MACROD2: variants seen among roughly 807,000 people sequenced by gnomAD.
MACROD2 encodes mono-ADP ribosylhydrolase 2.
In MACROD2, 36 loss-of-function variants were observed where a neutral mutation model predicts 70.4. The observed-to-expected ratio is 0.51, with a 90% CI of 0.39 to 0.68. The LOEUF is 0.68. MACROD2 is among the 30% of genes least tolerant of loss of function. The pLI, the probability that MACROD2 is intolerant of heterozygous loss-of-function variation, is 0.00. For synonymous variants in MACROD2, 172 were observed against 178.8 expected (o/e 0.96, Z 0.30); for missense variants, 496 against 538.4 (o/e 0.92, Z 0.78).
At chr20:15,541,644 T>C (rs1445786067) in intron 8 of MACROD2, among the ~76,000 whole-genome samples, 1 of 152,204 alleles carries the variant, frequency 6.6e-6, no homozygotes, top group Non-Finnish European at 1.5e-5. Context: ...AATTTCTTAA[T>C]ATATTAATTT....
chr20:15,153,028 T>A (rs879377868), intron 5 of MACROD2, among the ~76,000 whole-genome samples: 1 of 152,014 alleles, frequency 6.6e-6, no homozygotes, highest in Non-Finnish European at 1.5e-5. Context: ...GTAAGATGTT[T>A]CTTGGGCTGG....
At chr20:15,743,149 CTGAGT>C (rs2051129901) in intron 8 of MACROD2, among the ~76,000 whole-genome samples, 1 of 152,182 alleles carries the variant, frequency 6.6e-6, no homozygotes, top group Non-Finnish European at 1.5e-5. Context: ...GCTGGGCTGG[CTGAGT>C]TATTAGGCCT....
Position 14,270,717 on chromosome 20 carries a change from G to C in MACROD2, c.271+184989G>C, listed in dbSNP as rs1310383924. On this transcript the variant is annotated intron_variant, in intron 3 of 17. Transcript: ENST00000684519. ...CATCCTTTCAAGACACTTCAGGTGA[G>C]AGAGCCAAGATGGCCGAATAGGAAC... Among the ~76,000 whole-genome samples, 3 of 152,064 alleles carry C rather than the reference G, an allele frequency of 2.0e-5. No individual in the cohort carries two copies. In the East Asian group the frequency reaches 5.8e-4, roughly 29 times the overall value.
chr20:14,272,419 A>G (rs550246234), intron 3 of MACROD2, among the ~76,000 whole-genome samples: 5 of 151,954 alleles, frequency 3.3e-5, no homozygotes, highest in African/African-American at 1.2e-4. Flanking sequence ...AGGAGAAATA[A>G]AATACTTTAC....
intron 3 of MACROD2, among the ~76,000 whole-genome samples, chr20:14,339,939 C>T (rs1475235794): frequency 3.3e-5 from 5 of 152,096 alleles, no homozygotes; most frequent in Admixed American, 2.0e-4. Flanking sequence ...TTTCACTTCC[C>T]GCTCTTATCA....
intron 2 of MACROD2, among the ~76,000 whole-genome samples, chr20:14,021,179 C>T (rs1420253678): frequency 5.3e-5 from 8 of 152,060 alleles, no homozygotes; most frequent in Middle Eastern, 3.4e-3. Context: ...TTAGTAGAGA[C>T]GCGGTTTCAC....
intron 5 of MACROD2, among the ~76,000 whole-genome samples, chr20:15,010,410 T>C (rs748447562): frequency 7.9e-5 from 12 of 152,342 alleles, no homozygotes; most frequent in Middle Eastern, 3.4e-3. Flanking sequence ...TATTCTTTAC[T>C]TGAAGAAGGA....
chr20:15,149,795 T>A (rs2145858801), intron 5 of MACROD2, among the ~76,000 whole-genome samples: 1 of 152,174 alleles, frequency 6.6e-6, no homozygotes, highest in East Asian at 1.9e-4. Flanking sequence ...GTAAGAATTC[T>A]GACTGCACAG....
chr20:15,904,990 A>G (rs2065125661), intron 10 of MACROD2, among the ~76,000 whole-genome samples: 1 of 152,138 alleles, frequency 6.6e-6, no homozygotes, highest in Non-Finnish European at 1.5e-5. Flanking sequence ...TGAACTAGGA[A>G]TCAGATCCCT....
chr20:15,230,315 T>C (rs2076949055), intron 6 of MACROD2, among the ~76,000 whole-genome samples: 1 of 152,200 alleles, frequency 6.6e-6, no homozygotes, highest in Non-Finnish European at 1.5e-5. Flanking sequence ...TTTTTCCTCT[T>C]TATTTTGCCA....
Position 15,325,970 on chromosome 20 carries a change from C to T in MACROD2, c.540+95909C>T, listed in dbSNP as rs140063842. Among the ~76,000 whole-genome samples, 231 of 152,228 alleles carry T rather than the reference C, an allele frequency of 1.5e-3. 1 individual carries two copies. The highest frequency in any genetic ancestry group is 5.2e-3 in the African/African-American group (218 of 41,538). On this transcript the variant is annotated intron_variant, in intron 6 of 17. Transcript: ENST00000684519. The stretch of plus-strand genomic sequence containing the variant: ...TATATCCATCACCTTCAGGTCCAAA[C>T]TGTTTGATTTGCTGCTTCATCTTGG...
chr20:14,432,894 T>C (rs1409205320), intron 3 of MACROD2, among the ~76,000 whole-genome samples: 7 of 152,130 alleles, frequency 4.6e-5, no homozygotes, highest in Non-Finnish European at 8.8e-5. Flanking sequence ...CTTTGAAGAA[T>C]TGCTTTCAGA....
At chr20:15,046,660 T>G (rs1470796011) in intron 5 of MACROD2, among the ~76,000 whole-genome samples, 1 of 152,212 alleles carries the variant, frequency 6.6e-6, no homozygotes, top group East Asian at 1.9e-4. Flanking sequence ...ATTCTTCTTT[T>G]GAAATGACTC....
intron 8 of MACROD2, among the ~76,000 whole-genome samples, chr20:15,791,196 A>C (rs1463744417): frequency 6.6e-6 from 1 of 151,996 alleles, no homozygotes. Flanking sequence ...CTCCATTGGC[A>C]AGGCCACTTC....
intron 3 of MACROD2, among the ~76,000 whole-genome samples, chr20:14,467,290 G>C (rs1401646600): frequency 6.6e-6 from 1 of 152,130 alleles, no homozygotes; most frequent in African/African-American, 2.4e-5. Context: ...TCAGGCTGCT[G>C]TGCTAGCAAT....
At chr20:15,551,478 A>T (rs577030563) in intron 8 of MACROD2, among the ~76,000 whole-genome samples, 4 of 152,296 alleles carry the variant, frequency 2.6e-5, no homozygotes, top group Admixed American at 2.6e-4. Context: ...GAGAAAAAAC[A>T]TGTACTAAAA....
chr20:14,565,318 T>A (rs2123303336), intron 4 of MACROD2, among the ~76,000 whole-genome samples: 1 of 151,570 alleles, frequency 6.6e-6, no homozygotes, highest in African/African-American at 2.4e-5. Context: ...GTAACACAAC[T>A]GAACTTATAC....
At chr20:14,075,623 C>T (rs1184142853) in intron 2 of MACROD2, among the ~76,000 whole-genome samples, 1 of 152,152 alleles carries the variant, frequency 6.6e-6, no homozygotes. Context: ...TTGATTTCCC[C>T]TTTAATTCTC....
At chr20:14,205,377 GA>G (rs1184225425) in intron 3 of MACROD2, among the ~76,000 whole-genome samples, 1 of 152,164 alleles carries the variant, frequency 6.6e-6, no homozygotes, top group African/African-American at 2.4e-5. Flanking sequence ...AAGCACAAAG[GA>G]AACCCCTCAG....
Sources: allele counts gnomAD v4.1 joint callset (sites outside exome capture counted in the v4.1 genomes callset), GRCh38; gene constraint gnomAD v4.1.1; transcripts MANE v1.5; gene names NCBI Gene and HGNC (gene_info 2026-07-23, HGNC 2026-07-21).